Variants in SIPA1L1 observed in about 807,000 individuals in gnomAD.
SIPA1L1 encodes signal induced proliferation associated 1 like 1.
SIPA1L1 carries 26 observed loss-of-function variants against 162.7 expected under a neutral mutation model. The ratio of observed to expected loss-of-function variants is 0.16; its 90% CI spans 0.12 to 0.22. The LOEUF is 0.22. SIPA1L1 is among the 10% of genes least tolerant of loss of function. SIPA1L1 has a pLI of 1.00. For synonymous variants in SIPA1L1, 829 were observed against 837.4 expected (o/e 0.99, Z 0.17); for missense variants, 1,874 against 2,241.0 (o/e 0.84, Z 3.31).
rs538111690 is a variant in SIPA1L1 at position 71,741,089 on chromosome 14, C to G, written c.*1928C>G. Reference sequence around the variant, plus strand: ...GAGGTTTGCTTATTTGAAAGACCACCCAATAACTCATTGACCCTCCTTGCA... The same window carrying G: ...GAGGTTTGCTTATTTGAAAGACCACGCAATAACTCATTGACCCTCCTTGCA... On this transcript the variant is annotated 3_prime_UTR_variant, in exon 24 of 24. Coordinates refer to ENST00000381232, the MANE Select transcript of SIPA1L1 (RefSeq NM_001386936.1). The G allele has an allele frequency of 6.6e-6, 1 of 152,272 alleles. No individual in the cohort carries two copies. Among genetic ancestry groups the G allele is most frequent in the South Asian group, 2.1e-4 (1 of 4,820 alleles). 9.4% of individuals were successfully genotyped at this position (152,272 alleles called of 1,614,324 possible).
intron 2 of SIPA1L1, chr14:71,414,155 G>GATC (rs1332207129): frequency 6.6e-6 from 1 of 152,248 alleles, no homozygotes; most frequent in East Asian, 1.9e-4. Flanking sequence ...GAGGTGGATG[G>GATC]ATCACCTGAG....
chr14:71,513,158 C>A (rs1304936882), intron 3 of SIPA1L1, among the ~76,000 whole-genome samples: 1 of 152,140 alleles, frequency 6.6e-6, no homozygotes, highest in Non-Finnish European at 1.5e-5. Flanking sequence ...CAGAGTAAAT[C>A]TTTTCAAGTA....
intron 1 of SIPA1L1, among the ~76,000 whole-genome samples, chr14:71,320,705 C>A (rs1418539501): frequency 2.1e-5 from 3 of 142,202 alleles, no homozygotes; most frequent in Non-Finnish European, 4.5e-5. Flanking sequence ...CCTCCTCATC[C>A]CCCCCCCGGC....
At chr14:71,648,180 C>T (rs2042331626) in intron 7 of SIPA1L1, among the ~76,000 whole-genome samples, 1 of 152,238 alleles carries the variant, frequency 6.6e-6, no homozygotes, top group African/African-American at 2.4e-5. Context: ...ATACCAGCTA[C>T]TTGGGAGGCT....
chr14:71,637,816 G>A (rs80028194), intron 7 of SIPA1L1, among the ~76,000 whole-genome samples: 2,518 of 152,228 alleles, frequency 0.017, 28 homozygotes, highest in Non-Finnish European at 0.024. Flanking sequence ...ATGGTTTCAG[G>A]CATCCACTGA....
chr14:71,705,008 C>T (rs2082339723), intron 15 of SIPA1L1: 3 of 611,740 alleles, frequency 4.9e-6, no homozygotes, highest in Non-Finnish European at 5.8e-6. Flanking sequence ...ATGTGTATGA[C>T]GTGACAAGTT....
intron 2 of SIPA1L1, among the ~76,000 whole-genome samples, chr14:71,422,515 T>C (rs936169855): frequency 2.0e-5 from 3 of 152,196 alleles, no homozygotes; most frequent in Non-Finnish European, 4.4e-5. Context: ...TCCATCATTC[T>C]GCTTTCTGTC....
chr14:71,709,647 T>G lies in SIPA1L1; in HGVS notation c.4191T>G (p.Asp1397Glu), dbSNP rs769407811. Residue 1397 changes from aspartate to glutamate, a missense_variant, in exon 17 of 24, where the codon GAT becomes GAG. Coordinates refer to ENST00000381232, the MANE Select transcript of SIPA1L1 (RefSeq NM_001386936.1). ...AGAACAGCACCTTCAGTATAAACGATGCTGCTTCCCACACAAGGTAACCAC... is the reference window on the plus strand; with the variant it reads ...AGAACAGCACCTTCAGTATAAACGAGGCTGCTTCCCACACAAGGTAACCAC... ...TRENSTFSIN[D>E]AASHTSTMSS... 6.2e-7 allele frequency: 1 copy of G among 1,612,530 alleles called. No individual in the cohort carries two copies. Among genetic ancestry groups the G allele is most frequent in the Admixed American group, 1.7e-5 (1 of 59,948 alleles).
Position 71,671,184 on chromosome 14 carries a change from T to C in SIPA1L1, c.2321T>C (p.Phe774Ser). The C allele has an allele frequency of 6.2e-7, 1 of 1,614,126 alleles. No individual in the cohort carries two copies. The highest frequency in any genetic ancestry group is 8.5e-7 in the Non-Finnish European group (1 of 1,179,982). Reference sequence around the variant, plus strand: ...CCTCCCATTCCTAAAGGGGTCACTTTCCCTAAGTCAAATGTGTTCAGGGAC... The same window carrying C: ...CCTCCCATTCCTAAAGGGGTCACTTCCCCTAAGTCAAATGTGTTCAGGGAC... ...FGPPIPKGVT[F>S]PKSNVFRDFL... Residue 774 changes from phenylalanine to serine, a missense_variant, in exon 11 of 24, where the codon TTC (phenylalanine) becomes TCC (serine). Coordinates refer to ENST00000381232, the MANE Select transcript of SIPA1L1 (RefSeq NM_001386936.1).
intron 3 of SIPA1L1, among the ~76,000 whole-genome samples, chr14:71,527,643 T>C (rs2053015977): frequency 6.6e-6 from 1 of 152,326 alleles, no homozygotes; most frequent in Admixed American, 6.5e-5. Context: ...TTTTTAAAGC[T>C]TATTAACTAT....
At chr14:71,397,534 C>T (rs143736825) in intron 2 of SIPA1L1, among the ~76,000 whole-genome samples, 13 of 152,082 alleles carry the variant, frequency 8.5e-5, no homozygotes, top group Non-Finnish European at 1.6e-4. Flanking sequence ...TGTGTGTGTG[C>T]ACACATACAG....
Position 71,640,688 on chromosome 14 carries a change from A to G in SIPA1L1, c.1819-9647A>G, listed in dbSNP as rs145026226. 4.8e-3 allele frequency among the ~76,000 whole-genome samples: 732 copies of G among 152,170 alleles called. 4 individuals carry two copies. Among genetic ancestry groups the G allele is most frequent in the Non-Finnish European group, 7.7e-3 (522 of 67,990 alleles). On this transcript the variant is annotated intron_variant, in intron 7 of 23. Coordinates refer to ENST00000381232, the MANE Select transcript of SIPA1L1 (RefSeq NM_001386936.1). ...TGCCCAGGCTGGAGTGCAGTGGTGC[A>G]GTCTTGGCTCACTGCAACCTCCGCC...
intron 14 of SIPA1L1, among the ~76,000 whole-genome samples, chr14:71,700,063 A>G (rs1597076506): frequency 6.6e-6 from 1 of 152,228 alleles, no homozygotes; most frequent in African/African-American, 2.4e-5. Context: ...GGCATACAAT[A>G]AATTGGGGAT....
chr14:71,616,863 A>G (rs902421609), intron 5 of SIPA1L1, among the ~76,000 whole-genome samples: 1 of 152,166 alleles, frequency 6.6e-6, no homozygotes, highest in African/African-American at 2.4e-5. Flanking sequence ...TGATGAATTT[A>G]TAGTGGCCCT....
At chr14:71,323,990 CA>C (rs2033480279) in intron 2 of SIPA1L1, among the ~76,000 whole-genome samples, 1 of 152,170 alleles carries the variant, frequency 6.6e-6, no homozygotes, top group Non-Finnish European at 1.5e-5. Flanking sequence ...AATTTGTCCT[CA>C]GAAGGTCTGG....
At chr14:71,701,093 T>C (rs2082069721) in intron 14 of SIPA1L1, among the ~76,000 whole-genome samples, 1 of 150,986 alleles carries the variant, frequency 6.6e-6, no homozygotes, top group Non-Finnish European at 1.5e-5. Flanking sequence ...TTTATGTAGA[T>C]TTTTCTCCTT....
At chr14:71,394,849 T>G (rs2141410812) in intron 2 of SIPA1L1, among the ~76,000 whole-genome samples, 1 of 152,364 alleles carries the variant, frequency 6.6e-6, no homozygotes, top group Middle Eastern at 3.4e-3. Flanking sequence ...TAAAATAATT[T>G]GTGTGATTCG....
intron 7 of SIPA1L1, among the ~76,000 whole-genome samples, chr14:71,631,861 T>G (rs2040607282): frequency 6.6e-6 from 1 of 152,232 alleles, no homozygotes; most frequent in Non-Finnish European, 1.5e-5. Flanking sequence ...TTTGTCATTC[T>G]TTTTGGAGGA....
intron 5 of SIPA1L1, among the ~76,000 whole-genome samples, chr14:71,606,721 C>T (rs1234540151): frequency 6.6e-6 from 1 of 151,992 alleles, no homozygotes; most frequent in Non-Finnish European, 1.5e-5. Context: ...TCTCTCCACG[C>T]TCCCAACCGG....
Sources: allele counts gnomAD v4.1 joint callset (sites outside exome capture counted in the v4.1 genomes callset), GRCh38; gene constraint gnomAD v4.1.1; transcripts MANE v1.5; gene names NCBI Gene and HGNC (gene_info 2026-07-23, HGNC 2026-07-21).